The following DNAJB4 variants were observed in gnomAD, a reference collection of about 807,000 sequenced individuals.
The protein encoded by DNAJB4 is DnaJ heat shock protein family (Hsp40) member B4, also known as dnaJ homolog subfamily B member 4.
DNAJB4 carries 10 observed loss-of-function variants against 26.6 expected under a neutral mutation model. The observed-to-expected ratio is 0.38, with a 90% CI of 0.23 to 0.64. The LOEUF is 0.64. Ranked by LOEUF, DNAJB4 falls within the 30% of genes least tolerant of loss-of-function variation. DNAJB4 has a pLI of 0.58. For synonymous variants in DNAJB4, 136 were observed against 134.8 expected (o/e 1.01, Z -0.06); for missense variants, 328 against 408.2 (o/e 0.80, Z 1.69).
chr1:78,013,072 G>T lies in DNAJB4; in HGVS notation c.233G>T (p.Gly78Val). The change falls in exon 2 of 3, where the codon GGT (glycine) becomes GTT (valine). Residue 78 changes from glycine (G) to valine (V), a missense_variant. Transcript: ENST00000370763. ...TTAGGGTTGAAAGGAGGAGCAGGAG[G>T]TACTGATGGACAAGGAGGTACCTTC... ...GEEGLKGGAGGTDGQGGTFRY... is the reference protein window; with the variant it reads ...GEEGLKGGAGVTDGQGGTFRY... 1 of 1,611,204 alleles carries T rather than the reference G, an allele frequency of 6.2e-7. No individual in the cohort carries two copies. Among genetic ancestry groups the T allele is most frequent in the Non-Finnish European group, 8.5e-7 (1 of 1,178,434 alleles).
At chr1:78,011,441 A>G (rs890115046) in intron 1 of DNAJB4, among the ~76,000 whole-genome samples, 19 of 152,026 alleles carry the variant, frequency 1.2e-4, no homozygotes, top group African/African-American at 4.3e-4. Flanking sequence ...TGTCCTCATT[A>G]TTAGAATTTT....
intron 1 of DNAJB4, among the ~76,000 whole-genome samples, chr1:78,012,665 C>T (rs915794610): frequency 1.3e-4 from 20 of 151,834 alleles, no homozygotes; most frequent in Non-Finnish European, 2.5e-4. Context: ...CAAAATTAGC[C>T]GGGCGTGGTG....
intron 1 of DNAJB4, among the ~76,000 whole-genome samples, chr1:77,991,479 G>A (rs1297786857): frequency 6.6e-6 from 1 of 152,112 alleles, no homozygotes; most frequent in Admixed American, 6.5e-5. Context: ...TTGCACAGAG[G>A]CTCACATCTG....
At chr1:78,005,512 A>G (rs1240339244) in intron 1 of DNAJB4, among the ~76,000 whole-genome samples, 191 bp downstream of exon 1, 1 of 152,206 alleles carries the variant, frequency 6.6e-6, no homozygotes, top group African/African-American at 2.4e-5. Context: ...ATGAATGAGT[A>G]TTGCAGAGCC....
At chr1:78,015,906 G>A (rs1213271599) in intron 2 of DNAJB4, 108 bp from the exon 3 acceptor site, 3 of 941,372 alleles carry the variant, frequency 3.2e-6, no homozygotes, top group Non-Finnish European at 4.7e-6. Flanking sequence ...TTCTTTTGGA[G>A]GTTAAAGTTT....
chr1:78,015,550 C>CTTTT (rs766899519), intron 2 of DNAJB4, among the ~76,000 whole-genome samples: 7 of 57,808 alleles, frequency 1.2e-4, no homozygotes, highest in African/African-American at 2.4e-4. Flanking sequence ...TTTCTTTCTT[C>CTTTT]TTTTTTTTTT....
chr1:78,015,312 A>G (rs540547163), intron 2 of DNAJB4, among the ~76,000 whole-genome samples: 58 of 152,262 alleles, frequency 3.8e-4, no homozygotes, highest in Middle Eastern at 6.8e-3. Context: ...AGTTCTTTCT[A>G]GTCCTGAATT....
At chr1:78,004,674 T>G (rs1004079425), upstream of DNAJB4, 4 of 165,754 alleles carry the variant, frequency 2.4e-5, no homozygotes, top group African/African-American at 9.6e-5. Context: ...AGTTGTGACA[T>G]TCTGTGTTGA....
chr1:78,015,474 A>G (rs1290688560), intron 2 of DNAJB4, among the ~76,000 whole-genome samples: 1 of 103,096 alleles, frequency 9.7e-6, no homozygotes, highest in Non-Finnish European at 2.0e-5. Flanking sequence ...TTTGTAACAT[A>G]TCTAATAATG....
At chr1:78,009,706 AT>A (rs898072034) in intron 1 of DNAJB4, among the ~76,000 whole-genome samples, 1 of 152,064 alleles carries the variant, frequency 6.6e-6, no homozygotes, top group African/African-American at 2.4e-5. Context: ...TTTTGGTAGG[AT>A]TTTTTTCTTT....
At chr1:78,005,817 C>T (rs903278370) in intron 1 of DNAJB4, among the ~76,000 whole-genome samples, 1 of 152,192 alleles carries the variant, frequency 6.6e-6, no homozygotes, top group Non-Finnish European at 1.5e-5. Context: ...TTTCTTATAG[C>T]AAGGCTAGTT....
intron 1 of DNAJB4, among the ~76,000 whole-genome samples, chr1:77,993,731 G>T (rs550637675): frequency 1.3e-5 from 2 of 152,234 alleles, no homozygotes; most frequent in African/African-American, 2.4e-5. Flanking sequence ...TTGATATGCT[G>T]ATTTGACCTA....
chr1:78,013,234 T>G lies in DNAJB4; in HGVS notation c.395T>G (p.Phe132Cys). Residue 132 changes from phenylalanine to cysteine, a missense_variant, in exon 2 of 3, where the codon TTT (phenylalanine) becomes TGT (cysteine). Coordinates refer to ENST00000370763, the MANE Select transcript of DNAJB4 (RefSeq NM_007034.5). ...SEEMEIDGDP[F>C]SAFGFSMNGY... is the part of the protein sequence containing the mutation. ...GAAATGGAAATAGATGGTGATCCTT[T>G]TAGTGCCTTTGGTTTCAGCATGAAT... 1 of 1,614,198 alleles carries G rather than the reference T, an allele frequency of 6.2e-7. No individual in the cohort carries two copies.
At chr1:77,995,628 AT>A (rs1168003730) in intron 1 of DNAJB4, among the ~76,000 whole-genome samples, 1 of 151,960 alleles carries the variant, frequency 6.6e-6, no homozygotes, top group African/African-American at 2.4e-5. Flanking sequence ...AATCTGTTTT[AT>A]TTTTTGTAGA....
At chr1:77,992,653 C>T (rs1048601772) in intron 1 of DNAJB4, 2 of 152,006 alleles carry the variant, frequency 1.3e-5, no homozygotes, top group African/African-American at 4.8e-5. Context: ...TAATATATTC[C>T]CTTTAGCAGT....
chr1:77,995,870 C>T (rs1359857837), intron 1 of DNAJB4, among the ~76,000 whole-genome samples: 2 of 152,088 alleles, frequency 1.3e-5, no homozygotes, highest in African/African-American at 2.4e-5. Context: ...CACTTGAACC[C>T]GGGAGGCGGA....
At chr1:78,003,568 A>G (rs937224746), upstream of DNAJB4, among the ~76,000 whole-genome samples, 2 of 152,172 alleles carry the variant, frequency 1.3e-5, no homozygotes, top group African/African-American at 4.8e-5. Flanking sequence ...TTCTAAACAT[A>G]TATGTACATT....
chr1:77,981,974 C>T (rs114582647), intron 1 of DNAJB4, among the ~76,000 whole-genome samples: 1 of 152,234 alleles, frequency 6.6e-6, no homozygotes, highest in Non-Finnish European at 1.5e-5. Flanking sequence ...TGGAGCTCTC[C>T]ACCTCTTCTT....
intron 1 of DNAJB4, chr1:77,980,339 A>C (rs6657869): frequency 3.2e-5 from 4 of 126,072 alleles, no homozygotes; most frequent in African/African-American, 7.8e-5. Flanking sequence ...ATATATATAT[A>C]TGTGTGTGTG....
Sources: gnomAD v4.1 joint callset for allele counts (sites outside exome capture counted in the v4.1 genomes callset) on GRCh38, gnomAD v4.1.1 for gene constraint, MANE v1.5 for transcripts, NCBI Gene and HGNC (gene_info 2026-07-23, HGNC 2026-07-21) for gene names.